The following CHRM3 variants were observed in gnomAD, a reference collection of about 807,000 sequenced individuals.
CHRM3 encodes muscarinic acetylcholine receptor M3.
A neutral mutation model predicts 41.8 loss-of-function variants in CHRM3; 11 were observed. The observed-to-expected ratio is 0.26, with a 90% CI of 0.17 to 0.44. The LOEUF is 0.44. CHRM3 is among the 20% of genes least tolerant of loss of function. CHRM3 has a pLI of 1.00. For missense variants in CHRM3, 571 were observed against 745.4 expected (o/e 0.77, Z 2.72); for synonymous variants, 297 against 301.4 (o/e 0.99, Z 0.15).
At chr1:239,792,576 C>T (rs1316237931) in intron 5 of CHRM3, among the ~76,000 whole-genome samples, 1 of 152,168 alleles carries the variant, frequency 6.6e-6, no homozygotes, top group Non-Finnish European at 1.5e-5. Flanking sequence ...AGTTCTTTCC[C>T]ATCTTCAAAA....
intron 5 of CHRM3, among the ~76,000 whole-genome samples, chr1:239,778,759 A>C (rs1031660707): frequency 2.6e-5 from 4 of 152,220 alleles, no homozygotes; most frequent in African/African-American, 9.6e-5. Flanking sequence ...GACATTACCC[A>C]CACACAATCC....
At chr1:239,454,131 C>T (rs974473969) in intron 1 of CHRM3, among the ~76,000 whole-genome samples, 25 of 152,124 alleles carry the variant, frequency 1.6e-4, no homozygotes, top group South Asian at 2.1e-4. Context: ...CTGTCCACCT[C>T]GAGCTAGTGG....
intron 6 of CHRM3, among the ~76,000 whole-genome samples, chr1:239,847,836 G>A (rs1674393211): frequency 6.6e-6 from 1 of 151,896 alleles, no homozygotes; most frequent in South Asian, 2.1e-4. Flanking sequence ...GATTGCTTGA[G>A]CCCGGGATGT....
chr1:239,522,830 C>T (rs1417403865), intron 2 of CHRM3, among the ~76,000 whole-genome samples: 1 of 152,166 alleles, frequency 6.6e-6, no homozygotes, highest in African/African-American at 2.4e-5. Flanking sequence ...ATTTGTGTCT[C>T]TCTAGAAAGG....
rs1431906630 is a variant in CHRM3 at position 239,618,679 on chromosome 1, C to T, written c.-312-13545C>T. On this transcript the variant is annotated intron_variant, in intron 3 of 6. Coordinates refer to ENST00000676153, the MANE Select transcript of CHRM3 (RefSeq NM_001375978.1). ...CTAACACGGTGAAACCCCGTCTCTA[C>T]TAAAAATACAAAAAATTAGCTGGGC... Among the ~76,000 whole-genome samples the T allele has an allele frequency of 1.1e-4, 16 of 150,940 alleles. No homozygotes were observed. In the East Asian group the frequency reaches 2.9e-3, roughly 27 times the overall value.
intron 5 of CHRM3, among the ~76,000 whole-genome samples, chr1:239,785,522 A>G (rs1392632096): frequency 6.6e-6 from 1 of 152,238 alleles, no homozygotes; most frequent in Non-Finnish European, 1.5e-5. Context: ...TGCTTCTGCT[A>G]CAGTCTCATT....
At chr1:239,586,602 T>C (rs536586286) in intron 3 of CHRM3, among the ~76,000 whole-genome samples, 1 of 152,298 alleles carries the variant, frequency 6.6e-6, no homozygotes, top group Admixed American at 6.5e-5. Flanking sequence ...TACTCAGCTG[T>C]TCTTTTAGAA....
At chr1:239,557,122 T>C (rs576375184) in intron 3 of CHRM3, among the ~76,000 whole-genome samples, 10 of 152,294 alleles carry the variant, frequency 6.6e-5, no homozygotes. Context: ...TCTTTTGCTC[T>C]GAATCTGTTT....
intron 6 of CHRM3, among the ~76,000 whole-genome samples, chr1:239,854,839 GA>G (rs1381978947): frequency 2.0e-5 from 3 of 152,050 alleles, no homozygotes; most frequent in East Asian, 3.9e-4. Context: ...GCTTAATACT[GA>G]AAAAATTCAA....
chr1:239,456,438 G>T (rs1389261573), intron 1 of CHRM3, among the ~76,000 whole-genome samples: 1 of 152,186 alleles, frequency 6.6e-6, no homozygotes, highest in Non-Finnish European at 1.5e-5. Context: ...ATGCTGTACA[G>T]GTTAATAGCC....
intron 4 of CHRM3, among the ~76,000 whole-genome samples, chr1:239,647,243 C>A (rs1671817406): frequency 6.6e-6 from 1 of 152,164 alleles, no homozygotes. Flanking sequence ...CAACCCACTG[C>A]AGTTTCACCA....
intron 1 of CHRM3, among the ~76,000 whole-genome samples, chr1:239,470,419 G>A (rs772776902): frequency 1.3e-5 from 2 of 152,180 alleles, no homozygotes; most frequent in Non-Finnish European, 2.9e-5. Flanking sequence ...ATTTGCTATG[G>A]CGGCCCTAGT....
chr1:239,723,209 G>A (rs1411514927), intron 5 of CHRM3, among the ~76,000 whole-genome samples: 3 of 151,796 alleles, frequency 2.0e-5, no homozygotes, highest in Non-Finnish European at 4.4e-5. Context: ...TTACTTGCCA[G>A]AAATGCTAAA....
At chr1:239,471,472 G>T (rs189517787) in intron 1 of CHRM3, among the ~76,000 whole-genome samples, 1 of 152,214 alleles carries the variant, frequency 6.6e-6, no homozygotes, top group African/African-American at 2.4e-5. Flanking sequence ...TTGACAGGTA[G>T]ATCCATACAT....
At chr1:239,741,774 A>C (rs1259308546) in intron 5 of CHRM3, among the ~76,000 whole-genome samples, 1 of 152,214 alleles carries the variant, frequency 6.6e-6, no homozygotes, top group Non-Finnish European at 1.5e-5. Flanking sequence ...TTATATGTAA[A>C]CATAATCAGA....
chr1:239,820,323 G>A (rs1232174286), intron 5 of CHRM3, among the ~76,000 whole-genome samples: 6 of 152,110 alleles, frequency 3.9e-5, no homozygotes. Context: ...ATTTTTAGGG[G>A]AATTTAATGG....
intron 5 of CHRM3, among the ~76,000 whole-genome samples, chr1:239,787,601 G>A (rs1009914570): frequency 1.7e-4 from 26 of 152,134 alleles, no homozygotes; most frequent in African/African-American, 6.0e-4. Flanking sequence ...GGATAGTTCA[G>A]TAAAGTGAAA....
intron 2 of CHRM3, among the ~76,000 whole-genome samples, chr1:239,531,639 A>AT (rs58433814): frequency 0.022 from 1,254 of 55,882 alleles, 382 homozygotes; most frequent in East Asian, 0.049. Flanking sequence ...TCTAGAATGG[A>AT]TTTTTTTTTT....
At chr1:239,480,141 A>T (rs760159168) in intron 1 of CHRM3, among the ~76,000 whole-genome samples, 3 of 152,226 alleles carry the variant, frequency 2.0e-5, no homozygotes, top group Admixed American at 6.5e-5. Flanking sequence ...ATTAAATAAG[A>T]TATTAAGGCA....
Sources: gnomAD v4.1 joint callset for allele counts (sites outside exome capture counted in the v4.1 genomes callset) on GRCh38, gnomAD v4.1.1 for gene constraint, MANE v1.5 for transcripts, NCBI Gene and HGNC (gene_info 2026-07-23, HGNC 2026-07-21) for gene names.